MAGI2: variants seen among roughly 807,000 people sequenced by gnomAD.
MAGI2 encodes membrane associated guanylate kinase, WW and PDZ domain containing 2.
In MAGI2, 35 loss-of-function variants were observed where a neutral mutation model predicts 133.3. That is an observed-to-expected ratio of 0.26 (90% CI 0.20 to 0.35). The LOEUF (loss-of-function observed/expected upper bound fraction) is 0.35, where lower values mean the gene tolerates loss of function less well. Among genes scored for constraint, MAGI2 ranks in the 10% least tolerant of loss-of-function variants. The pLI, the probability that MAGI2 is intolerant of heterozygous loss-of-function variation, is 1.00. For synonymous variants in MAGI2, 729 were observed against 710.6 expected (o/e 1.03, Z -0.41); for missense variants, 1,636 against 1,863.4 (o/e 0.88, Z 2.25).
chr7:79,357,949 T>A (rs1435641863), intron 1 of MAGI2, among the ~76,000 whole-genome samples: 1 of 152,184 alleles, frequency 6.6e-6, no homozygotes, highest in Non-Finnish European at 1.5e-5. Context: ...CTTATTTAAT[T>A]ACTTATTTAT....
chr7:78,812,397 A>G (rs1044889694), intron 2 of MAGI2, among the ~76,000 whole-genome samples: 1 of 152,224 alleles, frequency 6.6e-6, no homozygotes, highest in Non-Finnish European at 1.5e-5. Context: ...TCAGAGGTTG[A>G]AGCTTCTTAG....
At position 78,573,388 on chromosome 7, in the gene MAGI2, A is replaced by ACC. The variant is rs1264765447; in HGVS notation, c.539-51744_539-51743insGG. Reference sequence around the variant, plus strand: ...GAAATATATATATATATATATATATATATATATATATATATAGGCTGCCAC... The same window carrying ACC: ...GAAATATATATATATATATATATATACCTATATATATATATATAGGCTGCCAC... On this transcript the variant is annotated intron_variant, in intron 3 of 21. Transcript: ENST00000354212. Among the ~76,000 whole-genome samples the ACC allele has an allele frequency of 3.4e-3, 247 of 72,538 alleles. 19 individuals carry two copies. Among genetic ancestry groups the ACC allele is most frequent in the African/African-American group, 0.016 (233 of 14,310 alleles). 47.6% of individuals were successfully genotyped at this position (72,538 alleles called of 152,430 possible).
intron 1 of MAGI2, among the ~76,000 whole-genome samples, chr7:79,122,956 T>C (rs1246997658): frequency 1.3e-5 from 2 of 152,040 alleles, no homozygotes; most frequent in Non-Finnish European, 2.9e-5. Flanking sequence ...AAAATAGAGA[T>C]TAGTATGTTT....
chr7:79,175,760 T>C (rs903211542), intron 1 of MAGI2, among the ~76,000 whole-genome samples: 6 of 152,056 alleles, frequency 3.9e-5, no homozygotes, highest in Non-Finnish European at 8.8e-5. Flanking sequence ...ACAATAAGTA[T>C]TTGTGTATTC....
At chr7:79,040,832 G>A (rs1439653391) in intron 1 of MAGI2, among the ~76,000 whole-genome samples, 3 of 152,190 alleles carry the variant, frequency 2.0e-5, no homozygotes, top group African/African-American at 7.2e-5. Flanking sequence ...CAGCAATGCA[G>A]AACTGTGAGT....
intron 1 of MAGI2, among the ~76,000 whole-genome samples, chr7:79,221,853 G>C (rs1337623276): frequency 6.6e-6 from 1 of 151,944 alleles, no homozygotes; most frequent in Non-Finnish European, 1.5e-5. Context: ...GTGGACACAG[G>C]AAAGATGGAT....
intron 3 of MAGI2, among the ~76,000 whole-genome samples, chr7:78,526,654 C>G (rs1463888106): frequency 6.6e-6 from 1 of 152,062 alleles, no homozygotes; most frequent in Non-Finnish European, 1.5e-5. Context: ...TGAACAGATT[C>G]TTTTTTTCAT....
chr7:78,101,926 C>G (rs1186351389), intron 20 of MAGI2, among the ~76,000 whole-genome samples: 2 of 152,112 alleles, frequency 1.3e-5, no homozygotes, highest in Non-Finnish European at 2.9e-5. Context: ...TTCATTGCAC[C>G]ATATTCACAA....
chr7:79,057,984 G>A (rs1190162784), intron 1 of MAGI2, among the ~76,000 whole-genome samples: 7 of 147,970 alleles, frequency 4.7e-5, no homozygotes, highest in Non-Finnish European at 1.0e-4. Flanking sequence ...TAGTCACATA[G>A]ACTTCATCAA....
chr7:78,522,188 G>A (rs545883221), intron 3 of MAGI2, among the ~76,000 whole-genome samples: 1 of 152,124 alleles, frequency 6.6e-6, no homozygotes, highest in African/African-American at 2.4e-5. Context: ...CTGACAGTGC[G>A]CCTGCTGCTC....
chr7:78,270,970 G>A (rs1450739622), intron 9 of MAGI2, among the ~76,000 whole-genome samples: 2 of 151,902 alleles, frequency 1.3e-5, no homozygotes, highest in Non-Finnish European at 2.9e-5. Flanking sequence ...TCTCTTGCCT[G>A]ATTGCCCTGG....
intron 1 of MAGI2, among the ~76,000 whole-genome samples, chr7:79,101,394 A>G (rs1293496226): frequency 1.3e-5 from 2 of 152,174 alleles, no homozygotes; most frequent in Admixed American, 6.5e-5. Flanking sequence ...TAAAAGTAAG[A>G]AGGGCTCTAC....
chr7:78,491,593 T>C (rs1040086653), intron 5 of MAGI2, among the ~76,000 whole-genome samples: 1 of 152,110 alleles, frequency 6.6e-6, no homozygotes, highest in African/African-American at 2.4e-5. Context: ...TGCCAGCTTT[T>C]ATTTTTCCTC....
At chr7:78,735,649 G>A (rs1367294584) in intron 2 of MAGI2, among the ~76,000 whole-genome samples, 1 of 152,124 alleles carries the variant, frequency 6.6e-6, no homozygotes, top group Non-Finnish European at 1.5e-5. Flanking sequence ...GAGTGCCTTT[G>A]TGTGTTAGGT....
intron 1 of MAGI2, among the ~76,000 whole-genome samples, chr7:79,027,447 T>A (rs1810009721): frequency 6.6e-6 from 1 of 152,010 alleles, no homozygotes; most frequent in African/African-American, 2.4e-5. Flanking sequence ...TGGAATAAGC[T>A]AGGCACAGAA....
intron 1 of MAGI2, among the ~76,000 whole-genome samples, chr7:79,166,846 A>G (rs939050687): frequency 2.8e-4 from 43 of 152,196 alleles, no homozygotes; most frequent in African/African-American, 1.0e-3. Flanking sequence ...GGCTAGTAAT[A>G]TAGAGCATGC....
chr7:78,183,499 C>T (rs1012427383), intron 13 of MAGI2, among the ~76,000 whole-genome samples: 6 of 151,954 alleles, frequency 3.9e-5, no homozygotes, highest in East Asian at 3.9e-4. Flanking sequence ...CTCTTGAACT[C>T]GTGATCTGCC....
chr7:79,427,691 G>A (rs1847487608), intron 1 of MAGI2, among the ~76,000 whole-genome samples: 1 of 152,160 alleles, frequency 6.6e-6, no homozygotes, highest in African/African-American at 2.4e-5. Flanking sequence ...AAGTTGTGCT[G>A]CGGTTTTATT....
intron 6 of MAGI2, among the ~76,000 whole-genome samples, chr7:78,455,854 T>C (rs1789259433): frequency 6.6e-6 from 1 of 152,120 alleles, no homozygotes; most frequent in Admixed American, 6.5e-5. Flanking sequence ...CTACCTATTT[T>C]TTGTTTACAA....
Sources: allele counts gnomAD v4.1 joint callset (sites outside exome capture counted in the v4.1 genomes callset), GRCh38; gene constraint gnomAD v4.1.1; transcripts MANE v1.5; gene names NCBI Gene and HGNC (gene_info 2026-07-23, HGNC 2026-07-21).